Variants in RAPGEF1 observed in about 807,000 individuals in gnomAD.
The protein encoded by RAPGEF1 is CRK SH3-binding GNRP.
A neutral mutation model predicts 143.3 loss-of-function variants in RAPGEF1; 33 were observed. The ratio of observed to expected loss-of-function variants is 0.23; its 90% CI spans 0.17 to 0.31. RAPGEF1 has a LOEUF of 0.31. Ranked by LOEUF, RAPGEF1 falls within the 10% of genes least tolerant of loss-of-function variation. The pLI, the probability that RAPGEF1 is intolerant of heterozygous loss-of-function variation, is 1.00. For missense variants in RAPGEF1, 1,199 were observed against 1,645.4 expected, an observed-to-expected ratio of 0.73 and a Z score of 4.69; for synonymous variants, 629 against 676.5, an observed-to-expected ratio of 0.93 and a Z score of 1.09.
chr9:131,731,441 G>A (rs888695156), intron 1 of RAPGEF1, among the ~76,000 whole-genome samples: 4 of 152,186 alleles, frequency 2.6e-5, no homozygotes, highest in African/African-American at 9.7e-5. Flanking sequence ...TTTCCAACCA[G>A]GGGTTTTGTT....
chr9:131,690,411 T>C (rs1049674946), intron 1 of RAPGEF1, among the ~76,000 whole-genome samples: 1 of 152,254 alleles, frequency 6.6e-6, no homozygotes, highest in African/African-American at 2.4e-5. Flanking sequence ...AGGAATTTTA[T>C]GTTTGATCGA....
chr9:131,654,975 T>C (rs1588806815), intron 1 of RAPGEF1, among the ~76,000 whole-genome samples: 1 of 152,342 alleles, frequency 6.6e-6, no homozygotes, highest in Non-Finnish European at 1.5e-5. Flanking sequence ...GCACTCCCTC[T>C]GTCAAGTTTT....
At chr9:131,608,229 C>T (rs1445270081) in intron 12 of RAPGEF1, among the ~76,000 whole-genome samples, 1 of 152,236 alleles carries the variant, frequency 6.6e-6, no homozygotes, top group Non-Finnish European at 1.5e-5. Flanking sequence ...CTGGTGCGGA[C>T]GACCTCTCGG....
chr9:131,592,372 C>T (rs1014097525), intron 17 of RAPGEF1, among the ~76,000 whole-genome samples, 189 bp from the exon 18 acceptor site: 11 of 152,166 alleles, frequency 7.2e-5, no homozygotes, highest in East Asian at 5.8e-4. Context: ...AGAAGTCACA[C>T]GTCCTCTCTG....
At chr9:131,612,590 C>G (rs2132657003) in intron 12 of RAPGEF1, among the ~76,000 whole-genome samples, 1 of 152,316 alleles carries the variant, frequency 6.6e-6, no homozygotes, top group East Asian at 1.9e-4. Context: ...AACGCCGTCT[C>G]CTCCAGAGCT....
Position 131,739,862 on chromosome 9 carries a change from G to A in RAPGEF1, c.-32C>T, listed in dbSNP as rs1393103552. 3.1e-5 allele frequency: 31 copies of A among 997,528 alleles called. No homozygotes were observed. Among genetic ancestry groups the A allele is most frequent in the Non-Finnish European group, 3.6e-5 (30 of 840,962 alleles). The allele number at this position is 997,528 out of a possible 1,614,324, so 61.8% of individuals were successfully genotyped here. On this transcript the variant is annotated 5_prime_UTR_variant, in exon 1 of 27. Transcript: ENST00000683357. ...CGGGCCGGGCCGCCGCGGGGCGACA[G>A]GGGCGGCGCGCCCGCCGCTCGCCTC... is the stretch of plus-strand genomic sequence containing the variant.
intron 1 of RAPGEF1, among the ~76,000 whole-genome samples, chr9:131,699,007 C>T (rs1834418203): frequency 6.6e-6 from 1 of 152,248 alleles, no homozygotes; most frequent in Non-Finnish European, 1.5e-5. Context: ...CGGCAATTCT[C>T]CTGGTCTTGA....
intron 1 of RAPGEF1, among the ~76,000 whole-genome samples, chr9:131,657,280 C>T (rs1054529862): frequency 1.3e-5 from 2 of 152,124 alleles, no homozygotes; most frequent in Non-Finnish European, 2.9e-5. Flanking sequence ...CTCTCCCTGC[C>T]CCTTTCTCAT....
chr9:131,674,969 G>A (rs1017629633), intron 1 of RAPGEF1, among the ~76,000 whole-genome samples: 1 of 152,148 alleles, frequency 6.6e-6, no homozygotes, highest in East Asian at 1.9e-4. Context: ...ACCTTGGTCC[G>A]GTTCCCCAGA....
chr9:131,724,376 A>G (rs1836491916), intron 1 of RAPGEF1, among the ~76,000 whole-genome samples: 1 of 152,218 alleles, frequency 6.6e-6, no homozygotes, highest in African/African-American at 2.4e-5. Flanking sequence ...CAGGTGGATC[A>G]CGAGGCCAGG....
intron 25 of RAPGEF1, among the ~76,000 whole-genome samples, chr9:131,581,903 T>C (rs1425850631): frequency 6.6e-6 from 1 of 152,074 alleles, no homozygotes; most frequent in Non-Finnish European, 1.5e-5. Context: ...TCTCTGAGGG[T>C]TGAGGCCTCG....
Position 131,628,746 on chromosome 9 carries a change from G to A in RAPGEF1, c.894-74C>T. 1 of 1,510,276 alleles carries A rather than the reference G, an allele frequency of 6.6e-7. No individual in the cohort carries two copies. The allele number at this position is 1,510,276 out of a possible 1,614,324, so 93.6% of individuals were successfully genotyped here. On this transcript the variant is annotated intron_variant, in intron 7 of 26. Transcript: ENST00000683357. The surrounding 1 kb of genome is among the most constrained non-coding windows in gnomAD (Gnocchi z 5.7). ...CTCTTCAGCGTGATATTGGGGTACA[G>A]GATGTGGGGTTCTTTCATTACTAGA...
intron 1 of RAPGEF1, among the ~76,000 whole-genome samples, chr9:131,726,966 T>A (rs1297638363): frequency 2.0e-5 from 3 of 152,148 alleles, no homozygotes; most frequent in Non-Finnish European, 1.5e-5. Context: ...ATGGTACCAC[T>A]GCACTCTAGC....
At chr9:131,656,725 G>A (rs542572029) in intron 1 of RAPGEF1, among the ~76,000 whole-genome samples, 2 of 152,102 alleles carry the variant, frequency 1.3e-5, no homozygotes, top group South Asian at 2.1e-4. Flanking sequence ...TGTAGAGGTC[G>A]ATCACCAAAA....
chr9:131,644,994 C>T (rs1336980238), intron 3 of RAPGEF1, among the ~76,000 whole-genome samples: 1 of 152,230 alleles, frequency 6.6e-6, no homozygotes, highest in African/African-American at 2.4e-5. Flanking sequence ...GACTAGAAGA[C>T]ACAATTCTCC....
chr9:131,628,219 C>T lies in RAPGEF1; in HGVS notation c.1018-123G>A. The stretch of plus-strand genomic sequence containing the variant: ...TACTGCCAGGCGAACTCAGAAACCA[C>T]CTCTGACGTCAGTAGTCGAAGGACA... On this transcript the variant is annotated intron_variant, in intron 8 of 26. Transcript: ENST00000683357. The surrounding 1 kb of genome is among the most constrained non-coding windows in gnomAD (Gnocchi z 5.7). 1.1e-6 allele frequency: 1 copy of T among 927,312 alleles called. No individual in the cohort carries two copies. Among genetic ancestry groups the T allele is most frequent in the Non-Finnish European group, 1.6e-6 (1 of 636,186 alleles). 57.4% of individuals were successfully genotyped at this position (927,312 alleles called of 1,614,324 possible).
intron 5 of RAPGEF1, among the ~76,000 whole-genome samples, chr9:131,634,446 T>A (rs1293590701): frequency 1.3e-5 from 2 of 151,614 alleles, no homozygotes; most frequent in Non-Finnish European, 2.9e-5. Context: ...GGCGCGGTGG[T>A]TCACGCCTGT....
At chr9:131,586,401 A>ATCAC in intron 22 of RAPGEF1, among the ~76,000 whole-genome samples, 1 of 12,476 alleles carries the variant, frequency 8.0e-5, no homozygotes, top group Non-Finnish European at 1.4e-4. Context: ...CTCCGTCTCA[A>ATCAC]ACACACACAC....
chr9:131,717,117 T>A (rs1399892572), intron 1 of RAPGEF1, among the ~76,000 whole-genome samples: 1 of 152,182 alleles, frequency 6.6e-6, no homozygotes, highest in Non-Finnish European at 1.5e-5. Flanking sequence ...ATGCCCGCAC[T>A]GGGGAAGACT....
Sources: allele counts gnomAD v4.1 joint callset (sites outside exome capture counted in the v4.1 genomes callset), GRCh38; gene constraint gnomAD v4.1.1; non-coding constraint Gnocchi (gnomAD v3.1); transcripts MANE v1.5; gene names NCBI Gene and HGNC (gene_info 2026-07-23, HGNC 2026-07-21).